MARCHF1: variants seen among roughly 807,000 people sequenced by gnomAD.
The protein encoded by MARCHF1 is membrane associated ring-CH-type finger 1.
A neutral mutation model predicts 54.2 loss-of-function variants in MARCHF1; 40 were observed. That is an observed-to-expected ratio of 0.74 (90% confidence interval 0.57 to 0.96). MARCHF1 has a LOEUF of 0.96. Among genes scored for constraint, MARCHF1 ranks in the 40% least tolerant of loss-of-function variants. The pLI, the probability that MARCHF1 is intolerant of heterozygous loss-of-function variation, is 0.00. For missense variants in MARCHF1, 586 were observed against 656.5 expected (o/e 0.89, Z 1.17); for synonymous variants, 236 against 236.3 (o/e 1.00, Z 0.01).
At chr4:163,715,653 A>G (rs1219967218) in intron 4 of MARCHF1, among the ~76,000 whole-genome samples, 1 of 152,190 alleles carries the variant, frequency 6.6e-6, no homozygotes, top group African/African-American at 2.4e-5. Context: ...GATCCAATAT[A>G]TGTACATACT....
chr4:164,143,783 GC>G, intron 1 of MARCHF1, among the ~76,000 whole-genome samples: 1 of 152,178 alleles, frequency 6.6e-6, no homozygotes, highest in East Asian at 1.9e-4. Flanking sequence ...AAAATAACCA[GC>G]TAACATCATA....
chr4:164,051,971 A>T (rs1047052240), intron 2 of MARCHF1, among the ~76,000 whole-genome samples: 3 of 152,190 alleles, frequency 2.0e-5, no homozygotes, highest in Non-Finnish European at 4.4e-5. Flanking sequence ...TGTTGCTACA[A>T]TGCTACAAGA....
chr4:163,568,030 T>G (rs1228776400), intron 8 of MARCHF1, among the ~76,000 whole-genome samples: 2 of 152,134 alleles, frequency 1.3e-5, no homozygotes, highest in East Asian at 1.9e-4. Context: ...GGTCTTCTAT[T>G]GCTATTGACG....
chr4:163,829,930 A>AT (rs1477038437), intron 4 of MARCHF1, among the ~76,000 whole-genome samples: 1 of 152,148 alleles, frequency 6.6e-6, no homozygotes, highest in Non-Finnish European at 1.5e-5. Context: ...TCTGAAACTA[A>AT]TTTTTCAAAT....
Position 163,738,047 on chromosome 4 carries a change from T to C in MARCHF1, c.112-37184A>G, listed in dbSNP as rs184416050. On this transcript the variant is annotated intron_variant, in intron 4 of 9. Transcript: ENST00000514618. Reference sequence around the variant, plus strand: ...CCTGGTGGTCTGGATGTTGGATGCGTTGAAGAGGACATGGTAGGGTTATAT... The same window carrying C: ...CCTGGTGGTCTGGATGTTGGATGCGCTGAAGAGGACATGGTAGGGTTATAT... 5.9e-5 allele frequency among the ~76,000 whole-genome samples: 9 copies of C among 152,330 alleles called. No homozygotes were observed. The East Asian group carries it at 1.7e-3, about 29-fold the overall frequency.
intron 2 of MARCHF1, among the ~76,000 whole-genome samples, chr4:164,084,238 T>C (rs182698455): frequency 8.1e-4 from 123 of 152,068 alleles, no homozygotes; most frequent in Middle Eastern, 3.4e-3. Context: ...CTCTTAAGAA[T>C]GATGAATTTG....
intron 1 of MARCHF1, among the ~76,000 whole-genome samples, chr4:164,218,948 A>C (rs1732012064): frequency 6.6e-6 from 1 of 152,186 alleles, no homozygotes; most frequent in Admixed American, 6.5e-5. Flanking sequence ...ATTAATGTAA[A>C]AAGTATCCCC....
chr4:164,132,109 G>A (rs954269278), intron 1 of MARCHF1, among the ~76,000 whole-genome samples: 2 of 152,106 alleles, frequency 1.3e-5, no homozygotes, highest in African/African-American at 4.8e-5. Context: ...TAATAAAAAT[G>A]TTTCACACTT....
At chr4:163,658,096 C>G (rs1743214942) in intron 5 of MARCHF1, among the ~76,000 whole-genome samples, 1 of 151,994 alleles carries the variant, frequency 6.6e-6, no homozygotes, top group Non-Finnish European at 1.5e-5. Flanking sequence ...GCAAAATAAA[C>G]TATCATCAGA....
intron 3 of MARCHF1, among the ~76,000 whole-genome samples, chr4:163,923,266 T>G (rs1053337216): frequency 2.0e-5 from 3 of 152,144 alleles, no homozygotes; most frequent in Non-Finnish European, 4.4e-5. Context: ...TATTACCTTA[T>G]ATATGTACTG....
chr4:164,015,202 T>C (rs1753510083), intron 2 of MARCHF1, among the ~76,000 whole-genome samples: 1 of 152,128 alleles, frequency 6.6e-6, no homozygotes, highest in African/African-American at 2.4e-5. Context: ...ATACGATGGG[T>C]AAAGCACAGT....
intron 5 of MARCHF1, among the ~76,000 whole-genome samples, chr4:163,680,260 G>C (rs1212828996): frequency 6.6e-6 from 1 of 151,944 alleles, no homozygotes; most frequent in Non-Finnish European, 1.5e-5. Context: ...TACATTTCTT[G>C]TTTTAAATCT....
intron 8 of MARCHF1, chr4:163,585,329 T>G (rs1740372728): frequency 6.6e-6 from 1 of 152,626 alleles, no homozygotes; most frequent in Non-Finnish European, 1.5e-5. Context: ...ATAAATAACT[T>G]GTAAGAAATT....
chr4:163,773,744 T>A (rs1024420772), intron 4 of MARCHF1, among the ~76,000 whole-genome samples: 2 of 152,204 alleles, frequency 1.3e-5, no homozygotes, highest in East Asian at 3.8e-4. Context: ...TTCTAAGATA[T>A]TCTTAAGAGT....
intron 5 of MARCHF1, among the ~76,000 whole-genome samples, chr4:163,694,489 T>G (rs1744559203): frequency 1.3e-5 from 2 of 152,296 alleles, no homozygotes; most frequent in East Asian, 1.9e-4. Context: ...GGGGACAAAG[T>G]GAAGTGCATT....
At chr4:163,886,112 T>C (rs925758399) in intron 3 of MARCHF1, among the ~76,000 whole-genome samples, 2 of 149,350 alleles carry the variant, frequency 1.3e-5, no homozygotes, top group African/African-American at 4.9e-5. Context: ...TTGAAGTAAT[T>C]GGATATTTAT....
At chr4:163,755,511 T>A (rs1746638969) in intron 4 of MARCHF1, among the ~76,000 whole-genome samples, 1 of 152,180 alleles carries the variant, frequency 6.6e-6, no homozygotes, top group Non-Finnish European at 1.5e-5. Context: ...GTAAATTTAA[T>A]TTCAAACTTA....
chr4:164,162,031 G>A (rs1236711803), intron 1 of MARCHF1, among the ~76,000 whole-genome samples: 1 of 152,012 alleles, frequency 6.6e-6, no homozygotes, highest in Non-Finnish European at 1.5e-5. Flanking sequence ...AACACTAAAA[G>A]AAATAGAAAA....
At chr4:163,855,127 G>A (rs771070860) in intron 3 of MARCHF1, among the ~76,000 whole-genome samples, 3 of 151,960 alleles carry the variant, frequency 2.0e-5, no homozygotes, top group South Asian at 2.1e-4. Context: ...ACATAAGAAC[G>A]GTTGCACTAA....
Sources: gnomAD v4.1 joint callset for allele counts (sites outside exome capture counted in the v4.1 genomes callset) on GRCh38, gnomAD v4.1.1 for gene constraint, MANE v1.5 for transcripts, NCBI Gene and HGNC (gene_info 2026-07-23, HGNC 2026-07-21) for gene names.